The following EXD1 variants were observed in gnomAD, a reference collection of about 807,000 sequenced individuals.
The protein encoded by EXD1 is exonuclease 3'-5' domain containing 1.
In EXD1, 63 loss-of-function variants were observed where a neutral mutation model predicts 49.1. The ratio of observed to expected loss-of-function variants is 1.28; its 90% CI spans 1.05 to 1.58. EXD1 has a LOEUF of 1.58. Among genes scored for constraint, EXD1 ranks in the 40% most tolerant of loss-of-function variants. The pLI, the probability that EXD1 is intolerant of heterozygous loss-of-function variation, is 0.00. For synonymous variants in EXD1, 234 were observed against 239.2 expected (o/e 0.98, Z 0.20); for missense variants, 748 against 666.0 (o/e 1.12, Z -1.36).
chr15:41,228,403 T>C (rs2047193730), intron 1 of EXD1, among the ~76,000 whole-genome samples: 1 of 152,182 alleles, frequency 6.6e-6, no homozygotes, highest in African/African-American at 2.4e-5. Context: ...TTACTTGATA[T>C]AACAACCATA....
chr15:41,192,592 GCATTT>G (rs1280402365), intron 9 of EXD1, among the ~76,000 whole-genome samples: 6,809 of 86,146 alleles, frequency 0.079, 1,999 homozygotes, highest in East Asian at 0.16. Flanking sequence ...ACTGCGCCAG[GCATTT>G]TTTTTTTTTT....
At chr15:41,205,080 C>A (rs936525029) in intron 7 of EXD1, among the ~76,000 whole-genome samples, 1 of 152,164 alleles carries the variant, frequency 6.6e-6, no homozygotes, top group Non-Finnish European at 1.5e-5. Flanking sequence ...GACAATTACC[C>A]GTGTATCTTT....
At chr15:41,190,797 A>G (rs1193614315) in intron 10 of EXD1, among the ~76,000 whole-genome samples, 1 of 152,226 alleles carries the variant, frequency 6.6e-6, no homozygotes, top group Non-Finnish European at 1.5e-5. Context: ...TTACTTTGGG[A>G]GAAATAACTA....
chr15:41,222,672 C>T (rs1217972146), intron 2 of EXD1, among the ~76,000 whole-genome samples: 1 of 141,648 alleles, frequency 7.1e-6, no homozygotes, highest in Non-Finnish European at 1.5e-5. Flanking sequence ...GACGCGGTGA[C>T]TCACGGCTAT....
intron 2 of EXD1, among the ~76,000 whole-genome samples, chr15:41,220,913 T>C (rs1026752815): frequency 1.3e-5 from 2 of 151,984 alleles, no homozygotes; most frequent in African/African-American, 4.8e-5. Context: ...ACAATACTGT[T>C]CTCTCATTTC....
rs1400203272 is a variant in EXD1 at position 41,226,578 on chromosome 15, T to C, written c.-3A>G. The C allele has an allele frequency of 6.5e-7, 1 of 1,532,986 alleles. No homozygotes were observed. Among genetic ancestry groups the C allele is most frequent in the Non-Finnish European group, 8.7e-7 (1 of 1,145,740 alleles). 95.0% of individuals were successfully genotyped at this position (1,532,986 alleles called of 1,614,324 possible). On this transcript the variant is annotated 5_prime_UTR_variant, in exon 2 of 12. An upstream open reading frame in the 5' UTR loses its in-frame stop. Transcript: ENST00000458580. ...TGGTAGTCACTGCTGGGGTCCATGC[T>C]AATTGATTCCAAAAGCCGTCTTCAA...
chr15:41,208,369 G>GAAAAAAAAAAAA (rs10586810), intron 7 of EXD1, among the ~76,000 whole-genome samples: 1 of 62,680 alleles, frequency 1.6e-5, no homozygotes, highest in Non-Finnish European at 3.4e-5. Context: ...ACTCATCTCT[G>GAAAAAAAAAAAA]AAAAAAAAAA....
Position 41,184,582 on chromosome 15 carries a change from C to T in EXD1, c.1068G>A (p.Met356Ile). The T allele has an allele frequency of 6.3e-7, 1 of 1,591,234 alleles. No individual in the cohort carries two copies. ...GTTGAAGCAGTTCCTCTGGCAGCTC[C>T]ATACATGTAGGCTAAGAAGAGAAAG... Reference protein sequence around the residue: ...DRLGGTEPTCMELPEELLQLK... With the variant: ...DRLGGTEPTCIELPEELLQLK... The change falls in exon 12 of 12, where the codon ATG (methionine) becomes ATA (isoleucine). Residue 356 changes from methionine (M) to isoleucine (I), a missense_variant. Met to Ile is a conservative substitution (Grantham distance 10). Coordinates refer to ENST00000458580, the MANE Select transcript of EXD1 (RefSeq NM_001286441.2).
chr15:41,229,796 A>C (rs2047211471), intron 1 of EXD1, among the ~76,000 whole-genome samples: 1 of 152,118 alleles, frequency 6.6e-6, no homozygotes. Context: ...ACAAACAAAC[A>C]AAACTCTAGT....
chr15:41,187,975 A>C (rs750675733), intron 11 of EXD1, among the ~76,000 whole-genome samples: 24 of 137,292 alleles, frequency 1.7e-4, no homozygotes, highest in African/African-American at 6.2e-4. Flanking sequence ...GTATCACACC[A>C]CTTCACTCCA....
chr15:41,184,630 A>G (rs983965157), intron 11 of EXD1, 37 bp from the exon 12 acceptor site: 1 of 1,530,206 alleles, frequency 6.5e-7, no homozygotes, highest in African/African-American at 1.4e-5. Flanking sequence ...TATTATAACT[A>G]AACTTCTGAA....
intron 2 of EXD1, among the ~76,000 whole-genome samples, chr15:41,225,587 GA>G (rs57943891): frequency 0.29 from 39,631 of 137,082 alleles, 7,309 homozygotes; most frequent in African/African-American, 0.54. Context: ...CTCATTCTCA[GA>G]AAAAAAAAAA....
At chr15:41,208,987 T>TAA (rs111929217) in intron 7 of EXD1, among the ~76,000 whole-genome samples, 17 of 146,514 alleles carry the variant, frequency 1.2e-4, no homozygotes, top group African/African-American at 3.0e-4. Flanking sequence ...CTACTGAGCT[T>TAA]AAAAAAAAAA....
At chr15:41,218,968 G>C (rs981291504) in intron 3 of EXD1, among the ~76,000 whole-genome samples, 2 of 152,076 alleles carry the variant, frequency 1.3e-5, no homozygotes, top group African/African-American at 4.8e-5. Context: ...CCTTTCTTCA[G>C]ATCTGCCCCA....
intron 6 of EXD1, among the ~76,000 whole-genome samples, chr15:41,213,391 G>A (rs1255448903): frequency 6.6e-6 from 1 of 151,988 alleles, no homozygotes; most frequent in African/African-American, 2.4e-5. Flanking sequence ...TAGTAGAGAC[G>A]GTGTTCACCA....
intron 10 of EXD1, among the ~76,000 whole-genome samples, chr15:41,191,039 T>C (rs753803821): frequency 6.6e-6 from 1 of 152,160 alleles, no homozygotes; most frequent in Non-Finnish European, 1.5e-5. Flanking sequence ...GCGATTCTCC[T>C]GCCTCAGCCT....
rs2140915485 is a variant in EXD1, at chr15:41,230,568, G to C, written c.-143C>G. ...TCTGGATCCTAATTTCAGCCAAGTG[G>C]TGCGTTCCTCGAACTTCAGTCTAGA... On this transcript the variant is annotated 5_prime_UTR_variant, in exon 1 of 12. Coordinates refer to ENST00000458580, the MANE Select transcript of EXD1 (RefSeq NM_001286441.2). The C allele has an allele frequency of 1.2e-6, 2 of 1,613,612 alleles. No homozygotes were observed.
rs558589077 is a variant in EXD1, at chr15:41,199,747, T to TGTGATATATAATATATCA, written c.535-3711_535-3710insTGATATATTATATATCAC. ...TTATATATGATATATATGTCATATA[T>TGTGATATATAATATATCA]TATATATGATACATATATGATATAT... On this transcript the variant is annotated intron_variant, in intron 7 of 11. Coordinates refer to ENST00000458580, the MANE Select transcript of EXD1 (RefSeq NM_001286441.2). 4.0e-3 allele frequency among the ~76,000 whole-genome samples: 395 copies of TGTGATATATAATATATCA among 99,618 alleles called. 19 individuals carry two copies. Among genetic ancestry groups the TGTGATATATAATATATCA allele is most frequent in the East Asian group, 0.018 (44 of 2,406 alleles). The allele number at this position is 99,618 out of a possible 152,430, so 65.4% of individuals were successfully genotyped here. A position where few individuals can be genotyped will look rare whatever the true frequency, so the allele number is the denominator to read the frequency against.
At chr15:41,220,173 A>C (rs1291171793) in intron 2 of EXD1, among the ~76,000 whole-genome samples, 1 of 152,102 alleles carries the variant, frequency 6.6e-6, no homozygotes, top group Non-Finnish European at 1.5e-5. Context: ...TCTCCTGAGA[A>C]TATTCTAAGG....
Sources: gnomAD v4.1 joint callset for allele counts (sites outside exome capture counted in the v4.1 genomes callset) on GRCh38, gnomAD v4.1.1 for gene constraint, MANE v1.5 for transcripts, NCBI Gene and HGNC (gene_info 2026-07-23, HGNC 2026-07-21) for gene names.